EPG5: variants seen among roughly 807,000 people sequenced by gnomAD.
EPG5 encodes ectopic P-granules 5 autophagy tethering factor.
A neutral mutation model predicts 302.7 loss-of-function variants in EPG5; 159 were observed. The observed-to-expected ratio is 0.53, with a 90% CI of 0.46 to 0.60. The LOEUF (loss-of-function observed/expected upper bound fraction) is 0.60, where lower values mean the gene tolerates loss of function less well. Ranked by LOEUF, EPG5 falls within the 20% of genes least tolerant of loss-of-function variation. The probability of loss-of-function intolerance (pLI) is 0.00; values close to 1 mark genes in which losing one functional copy is unlikely to be tolerated. For synonymous variants in EPG5, 1,158 were observed against 1,136.8 expected, an observed-to-expected ratio of 1.02 and a Z score of -0.37; for missense variants, 2,896 against 3,092.4, an observed-to-expected ratio of 0.94 and a Z score of 1.51.
rs1177854768 is a variant in EPG5, at chr18:45,866,786, C to T, written c.6621+12G>A. On this transcript the variant is annotated intron_variant, in intron 38 of 43. Coordinates refer to ENST00000282041, the MANE Select transcript of EPG5 (RefSeq NM_020964.3). ...GAACAGTCTCTGCCTTTTAAACTAC[C>T]TCTCAACTTACAAGATGCTTCTGGC... The T allele has an allele frequency of 6.2e-7, 1 of 1,605,844 alleles. No individual in the cohort carries two copies. Among genetic ancestry groups the T allele is most frequent in the South Asian group, 1.1e-5 (1 of 90,914 alleles).
chr18:45,930,441 C>T (rs2050374127), intron 12 of EPG5, among the ~76,000 whole-genome samples: 1 of 152,146 alleles, frequency 6.6e-6, no homozygotes, highest in Non-Finnish European at 1.5e-5. Flanking sequence ...CTCTCCCTTA[C>T]TGAAACTGGT....
chr18:45,811,425 G>A, the EPG5 span, among the ~76,000 whole-genome samples: 37 of 152,158 alleles, frequency 2.4e-4, no homozygotes, highest in South Asian at 5.0e-3. Flanking sequence ...GGCCAGCATC[G>A]TCCTGATGCC....
At chr18:45,835,471 G>A in the EPG5 span, among the ~76,000 whole-genome samples, 2 of 152,172 alleles carry the variant, frequency 1.3e-5, no homozygotes, top group South Asian at 2.1e-4. Context: ...CAATCAAAAG[G>A]CAGATGCTGG....
the EPG5 span, chr18:45,842,387 G>A: frequency 3.4e-6 from 2 of 592,774 alleles, no homozygotes; most frequent in African/African-American, 3.7e-5. Context: ...GGAGCTCCCT[G>A]ATATTTTTGC....
intron 9 of EPG5, among the ~76,000 whole-genome samples, chr18:45,942,754 G>A (rs1208661072): frequency 6.6e-6 from 1 of 152,126 alleles, no homozygotes; most frequent in Non-Finnish European, 1.5e-5. Flanking sequence ...AAATGATCCA[G>A]TAAAGACAAT....
At chr18:45,870,130 A>G (rs2048838572) in intron 36 of EPG5, among the ~76,000 whole-genome samples, 1 of 152,146 alleles carries the variant, frequency 6.6e-6, no homozygotes, top group Non-Finnish European at 1.5e-5. Context: ...TATCTCCTAT[A>G]ATCAAATTAT....
intron 23 of EPG5, among the ~76,000 whole-genome samples, chr18:45,908,299 CA>C (rs965748361): frequency 5.3e-5 from 8 of 151,908 alleles, no homozygotes; most frequent in African/African-American, 1.9e-4. Flanking sequence ...ATTGCTAAAA[CA>C]AAAGGTATGA....
the EPG5 span, among the ~76,000 whole-genome samples, chr18:45,838,070 G>T: frequency 6.6e-6 from 1 of 152,228 alleles, no homozygotes; most frequent in African/African-American, 2.4e-5. Flanking sequence ...CCACCTGGGA[G>T]CTTGACACAA....
chr18:45,921,375 T>C (rs1031491015), intron 16 of EPG5, among the ~76,000 whole-genome samples: 5 of 151,982 alleles, frequency 3.3e-5, no homozygotes, highest in African/African-American at 4.8e-5. Flanking sequence ...GACAAATAAA[T>C]AGACTAGAAA....
intron 4 of EPG5, among the ~76,000 whole-genome samples, chr18:45,950,312 T>TG (rs1262761138): frequency 1.3e-5 from 2 of 152,218 alleles, no homozygotes; most frequent in African/African-American, 4.8e-5. Context: ...TCATCCAGAA[T>TG]AAGATAGAAT....
intron 27 of EPG5, among the ~76,000 whole-genome samples, chr18:45,895,995 A>G (rs1001549009): frequency 3.9e-5 from 6 of 152,246 alleles, no homozygotes; most frequent in Non-Finnish European, 5.9e-5. Context: ...AACAACTTGC[A>G]TAGATAATTC....
intron 12 of EPG5, 36 bp downstream of exon 12, chr18:45,930,640 C>A: frequency 6.0e-6 from 9 of 1,501,558 alleles, no homozygotes; most frequent in Non-Finnish European, 8.0e-6. Context: ...CAAAAGAAAA[C>A]ATTTTTAGCT....
chr18:45,945,662 A>C (rs1212060110), intron 7 of EPG5, among the ~76,000 whole-genome samples: 1 of 152,220 alleles, frequency 6.6e-6, no homozygotes, highest in African/African-American at 2.4e-5. Context: ...CTCCCCCAAG[A>C]AAGACCACTC....
intron 14 of EPG5, 56 bp from the exon 15 acceptor site, chr18:45,923,443 T>C: frequency 1.9e-6 from 3 of 1,571,100 alleles, no homozygotes; most frequent in Non-Finnish European, 2.6e-6. Context: ...TTTGTTTTTG[T>C]ACCTTTGAAT....
At chr18:45,931,140 T>C (rs1322907042) in intron 11 of EPG5, among the ~76,000 whole-genome samples, 1 of 152,246 alleles carries the variant, frequency 6.6e-6, no homozygotes, top group Non-Finnish European at 1.5e-5. Context: ...CTTAGTTAAC[T>C]GCAAAGCACT....
chr18:45,943,022 G>A, intron 9 of EPG5, 139 bp downstream of exon 9: 1 of 776,814 alleles, frequency 1.3e-6, no homozygotes, highest in South Asian at 2.6e-5. Context: ...TCTTATAGAT[G>A]GTGAAGAAAA....
intron 36 of EPG5, chr18:45,868,038 G>GC (rs947718926): frequency 6.2e-5 from 31 of 497,088 alleles, no homozygotes; most frequent in Non-Finnish European, 1.2e-4. Context: ...GAGAATCGCT[G>GC]CCACAGTAAG....
intron 38 of EPG5, 151 bp from the exon 39 acceptor site, chr18:45,865,910 G>C: frequency 1.2e-6 from 1 of 853,204 alleles, no homozygotes; most frequent in South Asian, 1.8e-5. Context: ...AGTCCCACGT[G>C]GCCCAAGGGG....
At chr18:45,842,428 T>C in the EPG5 span, 1 of 513,172 alleles carries the variant, frequency 1.9e-6, no homozygotes, top group Non-Finnish European at 3.4e-6. Flanking sequence ...TACGTCTGTG[T>C]GTGTGTGTGT....
Sources: allele counts gnomAD v4.1 joint callset (sites outside exome capture counted in the v4.1 genomes callset), GRCh38; gene constraint gnomAD v4.1.1; transcripts MANE v1.5; gene names NCBI Gene and HGNC (gene_info 2026-07-23, HGNC 2026-07-21).